DMD: variants seen among roughly 807,000 people sequenced by gnomAD.
DMD encodes mutant dystrophin.
DMD carries 63 observed loss-of-function variants against 330.1 expected under a neutral mutation model. That is an observed-to-expected ratio of 0.19 (90% confidence interval 0.16 to 0.24). The LOEUF is 0.24. Among genes scored for constraint, DMD ranks in the 10% least tolerant of loss-of-function variants. DMD has a pLI of 1.00. For synonymous variants in DMD, 1,223 were observed against 959.8 expected, an observed-to-expected ratio of 1.27 and a Z score of -5.07; for missense variants, 3,344 against 2,684.1, an observed-to-expected ratio of 1.25 and a Z score of -5.43.
At chrX:31,177,834 C>G (rs2040689309) in intron 71 of DMD, 98 bp downstream of exon 71, 6 of 844,750 alleles carry the variant, frequency 7.1e-6, no homozygotes, top group Non-Finnish European at 1.0e-5. Context: ...TAAAACAAAA[C>G]AAAACAAAAG....
chrX:32,029,078 T>C (rs748956798), intron 44 of DMD, among the ~76,000 whole-genome samples: 6 of 110,647 alleles, frequency 5.4e-5, no homozygotes, highest in Non-Finnish European at 9.5e-5. Context: ...AAACCTGAGG[T>C]TCACGGATAG....
At chrX:31,848,340 T>G (rs1036330990) in intron 48 of DMD, among the ~76,000 whole-genome samples, 1 of 111,468 alleles carries the variant, frequency 9.0e-6, no homozygotes, top group Non-Finnish European at 1.9e-5. Flanking sequence ...GCAAATGGCC[T>G]CACATCTTTA....
chrX:31,879,644 A>G (rs369921608), intron 47 of DMD, among the ~76,000 whole-genome samples: 1 of 111,908 alleles, frequency 8.9e-6, no homozygotes. Context: ...TTTCTTTGGC[A>G]ATATCACTTA....
At chrX:33,300,821 C>A (rs1222385384) in intron 1 of DMD, among the ~76,000 whole-genome samples, 1 of 111,672 alleles carries the variant, frequency 9.0e-6, no homozygotes, top group Non-Finnish European at 1.9e-5. Context: ...AAGATTTTGG[C>A]AGTAATTGCT....
At position 31,417,483 on chromosome X, in the gene DMD, G is replaced by A. The variant is rs191058973; in HGVS notation, c.9084+26998C>T. ...ATTTTTGTATTTTTAGTAGAGACGA[G>A]TTTCACCATGTTGGCCAGGATGGCA... On this transcript the variant is annotated intron_variant, in intron 60 of 78. Transcript: ENST00000357033. 8.1e-3 allele frequency among the ~76,000 whole-genome samples: 884 copies of A among 108,666 alleles called. 10 individuals are homozygous for A. Among genetic ancestry groups the A allele is most frequent in the African/African-American group, 0.028 (829 of 29,843 alleles). 94.4% of individuals were successfully genotyped at this position (108,666 alleles called of 115,157 possible).
chrX:32,348,286 A>T, intron 38 of DMD, 120 bp downstream of exon 38: 1 of 734,222 alleles, frequency 1.4e-6, no homozygotes, highest in East Asian at 3.3e-5. Context: ...TATAAAATTC[A>T]TTAGAATCAT....
chrX:31,958,895 C>A (rs935056293), intron 45 of DMD, among the ~76,000 whole-genome samples: 10 of 111,204 alleles, frequency 9.0e-5, no homozygotes, highest in Middle Eastern at 4.6e-3. Context: ...CCAAGTTGAG[C>A]TCTGTATGTC....
intron 60 of DMD, 101 bp from the exon 61 acceptor site, chrX:31,348,735 C>A: frequency 1.5e-6 from 1 of 685,912 alleles, no homozygotes; most frequent in Non-Finnish European, 2.3e-6. Flanking sequence ...GTCTCCAAGA[C>A]TGAGAACACT....
intron 55 of DMD, among the ~76,000 whole-genome samples, chrX:31,543,525 C>T (rs993319041): frequency 9.8e-5 from 11 of 112,126 alleles, no homozygotes; most frequent in African/African-American, 3.6e-4. Flanking sequence ...CCCACACACA[C>T]ATCCAACACC....
intron 1 of DMD, among the ~76,000 whole-genome samples, chrX:33,319,011 C>T (rs777187257): frequency 6.4e-5 from 7 of 110,130 alleles, no homozygotes; most frequent in Non-Finnish European, 1.1e-4. Context: ...GAGTACAGAG[C>T]CTTCTTGTTT....
chrX:32,412,646 T>A (rs1290126363), intron 29 of DMD, among the ~76,000 whole-genome samples: 1 of 111,479 alleles, frequency 9.0e-6, no homozygotes, highest in East Asian at 2.8e-4. Context: ...GATTGGAAAG[T>A]CTCCCTTCAA....
intron 34 of DMD, among the ~76,000 whole-genome samples, chrX:32,374,006 G>A (rs912822301): frequency 8.9e-6 from 1 of 111,859 alleles, no homozygotes; most frequent in Non-Finnish European, 1.9e-5. Flanking sequence ...TCAGACTGGT[G>A]TGAGATGGTA....
intron 34 of DMD, among the ~76,000 whole-genome samples, chrX:32,373,897 T>C (rs2097890395): frequency 8.9e-6 from 1 of 111,844 alleles, no homozygotes; most frequent in Admixed American, 9.5e-5. Context: ...CACATGACTT[T>C]GAAATCCTTA....
chrX:32,746,515 T>C (rs930958404), intron 7 of DMD, among the ~76,000 whole-genome samples: 1 of 111,840 alleles, frequency 8.9e-6, no homozygotes, highest in Non-Finnish European at 1.9e-5. Context: ...CTCCCAGACT[T>C]ACTTGGTTAG....
At chrX:32,445,226 A>G (rs1395092083) in intron 27 of DMD, among the ~76,000 whole-genome samples, 5 of 111,256 alleles carry the variant, frequency 4.5e-5, no homozygotes, top group Non-Finnish European at 9.5e-5. Context: ...AACAGAGCGA[A>G]TCAAGTCTAT....
intron 1 of DMD, among the ~76,000 whole-genome samples, chrX:33,159,924 A>G (rs1430472866): frequency 9.0e-6 from 1 of 111,484 alleles, no homozygotes; most frequent in Non-Finnish European, 1.9e-5. Context: ...ATTCAGGCCT[A>G]CCTCTAAAGT....
At chrX:32,828,264 T>G (rs2078888598) in intron 4 of DMD, among the ~76,000 whole-genome samples, 1 of 111,452 alleles carries the variant, frequency 9.0e-6, no homozygotes, top group Non-Finnish European at 1.9e-5. Flanking sequence ...CTGGGTTGAA[T>G]GGTATTTCTG....
At chrX:32,195,507 G>T (rs1405375495) in intron 44 of DMD, among the ~76,000 whole-genome samples, 1 of 112,222 alleles carries the variant, frequency 8.9e-6, no homozygotes, top group African/African-American at 3.2e-5. Flanking sequence ...GGACACAAAA[G>T]AAAACTGTGA....
intron 60 of DMD, among the ~76,000 whole-genome samples, chrX:31,366,241 C>T (rs181317586): frequency 5.9e-4 from 65 of 109,800 alleles, no homozygotes; most frequent in African/African-American, 1.9e-3. Context: ...CACATTACTT[C>T]GAGAGCTGGC....
Sources: gnomAD v4.1 joint callset for allele counts (sites outside exome capture counted in the v4.1 genomes callset) on GRCh38, gnomAD v4.1.1 for gene constraint, MANE v1.5 for transcripts, NCBI Gene and HGNC (gene_info 2026-07-23, HGNC 2026-07-21) for gene names.